CLASP2: variants seen among roughly 807,000 people sequenced by gnomAD.
The protein encoded by CLASP2 is cytoplasmic linker associated protein 2, also known as CLIP-associating protein 2.
Under a neutral mutation model 194.4 loss-of-function variants are expected in CLASP2, and 47 were observed. The observed-to-expected ratio is 0.24, with a 90% CI of 0.19 to 0.31. The LOEUF (loss-of-function observed/expected upper bound fraction) is 0.31. CLASP2 is among the 10% of genes least tolerant of loss of function. CLASP2 has a pLI of 1.00. For missense variants in CLASP2, 1,445 were observed against 1,823.6 expected (o/e 0.79, Z 3.78); for synonymous variants, 619 against 633.5 (o/e 0.98, Z 0.34).
chr3:33,513,011 C>T (rs545092969), intron 36 of CLASP2, among the ~76,000 whole-genome samples: 7 of 151,842 alleles, frequency 4.6e-5, no homozygotes, highest in Non-Finnish European at 4.4e-5. Context: ...AACCAACCAA[C>T]CAAACAAACA....
chr3:33,705,416 G>C (rs949106735), intron 1 of CLASP2, among the ~76,000 whole-genome samples: 3 of 152,148 alleles, frequency 2.0e-5, no homozygotes, highest in African/African-American at 7.2e-5. Context: ...TGGTATAATA[G>C]CTAAAAGGTA....
At chr3:33,543,981 A>G (rs932483653) in intron 31 of CLASP2, among the ~76,000 whole-genome samples, 11 of 152,160 alleles carry the variant, frequency 7.2e-5, no homozygotes, top group Non-Finnish European at 2.9e-5. Flanking sequence ...TAAAAAGATG[A>G]CTGACTCTGG....
chr3:33,684,571 C>G (rs1278942303), intron 5 of CLASP2, 115 bp from the exon 6 acceptor site: 2 of 554,080 alleles, frequency 3.6e-6, no homozygotes, highest in Non-Finnish European at 6.1e-6. Flanking sequence ...GATTTTAATG[C>G]CCCTGCATAT....
chr3:33,563,418 A>G (rs1187669382), intron 27 of CLASP2, among the ~76,000 whole-genome samples: 1 of 152,114 alleles, frequency 6.6e-6, no homozygotes, highest in African/African-American at 2.4e-5. Context: ...CCTTCTCCAA[A>G]TCTGTTTACC....
In CLASP2 at chr3:33,497,549, G is replaced by A. The variant is rs994735641; in HGVS notation, c.*1082C>T. The A allele has an allele frequency of 6.6e-6, 1 of 152,554 alleles. No homozygotes were observed. The highest frequency in any genetic ancestry group is 1.5e-5 in the Non-Finnish European group (1 of 68,012). 9.5% of individuals were successfully genotyped at this position (152,554 alleles called of 1,614,324 possible). On this transcript the variant is annotated 3_prime_UTR_variant, in exon 39 of 39. Transcript: ENST00000682230. ...CAGTTAAAAGTATTAGCCCTGAAGA[G>A]GTAGAGAATTTGAGCCCATTATACA...
At chr3:33,673,068 T>A (rs2087698550) in intron 6 of CLASP2, among the ~76,000 whole-genome samples, 1 of 152,094 alleles carries the variant, frequency 6.6e-6, no homozygotes, top group Non-Finnish European at 1.5e-5. Context: ...CAGGCCAACA[T>A]TCAGATTCAG....
intron 6 of CLASP2, among the ~76,000 whole-genome samples, chr3:33,680,272 C>G (rs1257359673): frequency 6.6e-6 from 1 of 152,282 alleles, no homozygotes; most frequent in African/African-American, 2.4e-5. Flanking sequence ...ACTACAATAG[C>G]GGACACATGT....
At chr3:33,620,603 A>G (rs977964973) in intron 11 of CLASP2, among the ~76,000 whole-genome samples, 1 of 152,134 alleles carries the variant, frequency 6.6e-6, no homozygotes, top group Non-Finnish European at 1.5e-5. Flanking sequence ...AAAAGCAGGG[A>G]GGTGTGGATA....
chr3:33,660,131 A>AG (rs2085043124), intron 7 of CLASP2, among the ~76,000 whole-genome samples: 1 of 152,228 alleles, frequency 6.6e-6, no homozygotes, highest in Non-Finnish European at 1.5e-5. Flanking sequence ...AGTGAAAGAG[A>AG]AAAGGATTTG....
At position 33,496,773 on chromosome 3, in the gene CLASP2, T is replaced by C; in HGVS notation, c.*1858A>G. On this transcript the variant is annotated 3_prime_UTR_variant, in exon 39 of 39. Transcript: ENST00000682230. ...GGTCATAAAATGCTACTGAGAAGAG[T>C]TGTGTTTAAAATGCATTTTCTTCTT... 1 of 151,618 alleles carries C rather than the reference T, an allele frequency of 6.6e-6. No individual in the cohort carries two copies. The highest frequency in any genetic ancestry group is 2.1e-4 in the South Asian group (1 of 4,812). 9.4% of individuals were successfully genotyped at this position (151,618 alleles called of 1,614,324 possible). A position where few individuals can be genotyped will look rare whatever the true frequency, so the allele number is the denominator to read the frequency against.
intron 34 of CLASP2, among the ~76,000 whole-genome samples, chr3:33,518,580 TC>T (rs1299774422): frequency 8.5e-5 from 13 of 152,314 alleles, no homozygotes; most frequent in African/African-American, 2.9e-4. Flanking sequence ...GATGAATGTG[TC>T]TCTATAAACC....
chr3:33,560,413 T>C (rs1272799245), intron 28 of CLASP2, among the ~76,000 whole-genome samples: 1 of 152,084 alleles, frequency 6.6e-6, no homozygotes, highest in African/African-American at 2.4e-5. Context: ...TGGCTAATTT[T>C]TGTATTTTTA....
At chr3:33,619,559 G>A (rs752005864) in intron 12 of CLASP2, 44 bp downstream of exon 12, 1 of 1,456,546 alleles carries the variant, frequency 6.9e-7, no homozygotes, top group South Asian at 1.3e-5. Context: ...AGAAACAAAA[G>A]TGGGGGGAGG....
chr3:33,586,151 C>A (rs527517050), intron 21 of CLASP2, among the ~76,000 whole-genome samples: 1 of 151,868 alleles, frequency 6.6e-6, no homozygotes, highest in African/African-American at 2.4e-5. Context: ...TTTTTCCCCC[C>A]CGAGACAGAG....
At chr3:33,524,116 C>T (rs774443402) in intron 34 of CLASP2, among the ~76,000 whole-genome samples, 5 of 151,746 alleles carry the variant, frequency 3.3e-5, no homozygotes, top group Non-Finnish European at 5.9e-5. Context: ...TAAATGTAAA[C>T]GAATTAAATC....
In CLASP2 at chr3:33,607,465, T is replaced by G; in HGVS notation, c.1449-4A>C. 6.3e-7 allele frequency: 1 copy of G among 1,591,698 alleles called. No individual in the cohort carries two copies. Among genetic ancestry groups the G allele is most frequent in the Non-Finnish European group, 8.6e-7 (1 of 1,166,502 alleles). ...TTCAACCAAGACGGCTGCATGTCTA[T>G]AAAATAAAATACATCTTTAGAGTTA... On this transcript the variant is annotated splice_polypyrimidine_tract_variant and splice_region_variant and intron_variant, in intron 14 of 38. Transcript: ENST00000682230.
intron 6 of CLASP2, chr3:33,683,612 A>G (rs1172730732): frequency 1.3e-5 from 2 of 152,332 alleles, no homozygotes; most frequent in East Asian, 3.8e-4. Context: ...TGTCTCAAAA[A>G]CAAACAAAAC....
At position 33,665,235 on chromosome 3, in the gene CLASP2, G is replaced by A. The variant is rs370590726; in HGVS notation, c.645-1720C>T. The stretch of plus-strand genomic sequence containing the variant: ...AGGAGTAAAAACTTTAGGACAGAAA[G>A]CTCAGAAAGAGAAGTGGGTTGGCAA... On this transcript the variant is annotated intron_variant, in intron 6 of 38. Coordinates refer to ENST00000682230, the MANE Select transcript of CLASP2 (RefSeq NM_001365631.1). 2.6e-5 allele frequency among the ~76,000 whole-genome samples: 4 copies of A among 152,182 alleles called. No individual in the cohort carries two copies. In the East Asian group the frequency reaches 7.7e-4, roughly 29 times the overall value.
At chr3:33,517,462 C>T (rs1026378090) in intron 34 of CLASP2, among the ~76,000 whole-genome samples, 2 of 152,168 alleles carry the variant, frequency 1.3e-5, no homozygotes, top group African/African-American at 2.4e-5. Context: ...ACCATTCTTA[C>T]GTCATCTTTG....
Sources: gnomAD v4.1 joint callset for allele counts (sites outside exome capture counted in the v4.1 genomes callset) on GRCh38, gnomAD v4.1.1 for gene constraint, MANE v1.5 for transcripts, NCBI Gene and HGNC (gene_info 2026-07-23, HGNC 2026-07-21) for gene names.